Variants in SCAI observed in about 807,000 individuals in gnomAD.
The protein encoded by SCAI is protein SCAI.
Under a neutral mutation model 92.2 loss-of-function variants are expected in SCAI, and 24 were observed. The observed-to-expected ratio is 0.26, with a 90% CI of 0.19 to 0.37. The LOEUF (loss-of-function observed/expected upper bound fraction) is 0.37. SCAI is among the 10% of genes least tolerant of loss of function. The probability of loss-of-function intolerance (pLI) is 1.00; values close to 1 mark genes in which losing one functional copy is unlikely to be tolerated. For missense variants in SCAI, 450 were observed against 736.2 expected, an observed-to-expected ratio of 0.61 and a Z score of 4.50; for synonymous variants, 261 against 258.6, an observed-to-expected ratio of 1.01 and a Z score of -0.09.
intron 13 of SCAI, among the ~76,000 whole-genome samples, chr9:124,998,668 C>T (rs191356057): frequency 6.6e-6 from 1 of 152,242 alleles, no homozygotes; most frequent in Non-Finnish European, 1.5e-5. Context: ...CTTGCTCTAT[C>T]ACCCAGACTG....
At chr9:125,130,936 C>CCTTTTT (rs1554718667) in intron 2 of SCAI, among the ~76,000 whole-genome samples, 1 of 77,274 alleles carries the variant, frequency 1.3e-5, no homozygotes, top group Non-Finnish European at 2.6e-5. Flanking sequence ...GTTTGAACCG[C>CCTTTTT]TTTTTTTTTT....
chr9:125,091,628 T>A lies in SCAI; in HGVS notation c.99-35621A>T, dbSNP rs1434464707. On this transcript the variant is annotated intron_variant, in intron 2 of 17. Transcript: ENST00000336505. The surrounding 1 kb of genome is among the most constrained non-coding windows in gnomAD (Gnocchi z 4.3). ...CTAAATAGGGCTGAAGAAATACACA[T>A]AATCATGCTGACTGATCTCACTTTC... is the stretch of plus-strand genomic sequence containing the variant. Among the ~76,000 whole-genome samples, 1 of 152,156 alleles carries A rather than the reference T, an allele frequency of 6.6e-6. No individual in the cohort carries two copies. Among genetic ancestry groups the A allele is most frequent in the Non-Finnish European group, 1.5e-5 (1 of 68,026 alleles).
At chr9:124,963,754 T>C (rs1327997832) in intron 17 of SCAI, among the ~76,000 whole-genome samples, 2 of 61,490 alleles carry the variant, frequency 3.3e-5, no homozygotes, top group East Asian at 7.3e-4. Flanking sequence ...TGAGAATCTG[T>C]CTCAAAAAAA....
At chr9:125,043,321 A>T (rs1007678658) in intron 3 of SCAI, among the ~76,000 whole-genome samples, 1 of 152,198 alleles carries the variant, frequency 6.6e-6, no homozygotes, top group African/African-American at 2.4e-5. Flanking sequence ...TATTACTGGG[A>T]CATCTTTGTT....
chr9:125,029,876 G>A (rs535798869), intron 3 of SCAI, 137 bp from the exon 4 acceptor site: 261 of 495,682 alleles, frequency 5.3e-4, no homozygotes, highest in Non-Finnish European at 8.1e-4. Context: ...ACACTTTTTG[G>A]AGCAGAAATA....
At chr9:125,053,265 C>T (rs548416468) in intron 3 of SCAI, among the ~76,000 whole-genome samples, 3 of 152,136 alleles carry the variant, frequency 2.0e-5, no homozygotes, top group South Asian at 4.1e-4. Context: ...ACCCAGGAGG[C>T]GGAGGTTGCA....
chr9:125,108,956 T>G (rs1834875823), intron 2 of SCAI, among the ~76,000 whole-genome samples: 1 of 152,240 alleles, frequency 6.6e-6, no homozygotes, highest in African/African-American at 2.4e-5. Flanking sequence ...AATCAGGTTG[T>G]TGCTGTGTCT....
chr9:124,944,067 T>C lies in SCAI; in HGVS notation c.*8740A>G, dbSNP rs570950475. ...GTTTCTACCTCAACTGGAAGAATCA[T>C]CCAAAATCTAAAGGTTTCTCTGATT... On this transcript the variant is annotated 3_prime_UTR_variant, in exon 18 of 18. Transcript: ENST00000336505. 1 of 152,302 alleles carries C rather than the reference T, an allele frequency of 6.6e-6. No homozygotes were observed. Among genetic ancestry groups the C allele is most frequent in the East Asian group, 1.9e-4 (1 of 5,192 alleles). 9.4% of individuals were successfully genotyped at this position (152,302 alleles called of 1,614,324 possible).
chr9:125,055,029 T>G (rs1833635094), intron 3 of SCAI, among the ~76,000 whole-genome samples: 1 of 152,164 alleles, frequency 6.6e-6, no homozygotes, highest in Non-Finnish European at 1.5e-5. Context: ...AAAATTCACA[T>G]AATTTTTTTA....
chr9:125,121,049 A>C (rs957078074), intron 2 of SCAI, among the ~76,000 whole-genome samples: 4 of 152,092 alleles, frequency 2.6e-5, no homozygotes, highest in African/African-American at 9.7e-5. Context: ...CAACTACTAA[A>C]AAACTGAAAT....
rs527903168 is a variant in SCAI at position 125,088,041 on chromosome 9, AT to A, written c.99-32035del. ...CTATTTAATTTTCTGTAAATTTAAA[AT>A]GTTTCATTTAAAAAGTTTTTGTTGA... is the stretch of plus-strand genomic sequence containing the variant. On this transcript the variant is annotated intron_variant, in intron 2 of 17. Coordinates refer to ENST00000336505, the MANE Select transcript of SCAI (RefSeq NM_001144877.3). 2.7e-3 allele frequency among the ~76,000 whole-genome samples: 418 copies of A among 152,292 alleles called. 1 individual carries two copies. The highest frequency in any genetic ancestry group is 5.1e-3 in the Non-Finnish European group (344 of 68,010).
chr9:124,963,632 C>T (rs1377189164), intron 17 of SCAI, among the ~76,000 whole-genome samples: 1 of 151,392 alleles, frequency 6.6e-6, no homozygotes, highest in Non-Finnish European at 1.5e-5. Context: ...TGCCTGTAAT[C>T]CCAGCTACTC....
intron 2 of SCAI, among the ~76,000 whole-genome samples, chr9:125,113,662 GA>G (rs1394836948): frequency 1.3e-4 from 17 of 126,800 alleles, no homozygotes; most frequent in South Asian, 2.6e-4. Context: ...AAAGTATAAA[GA>G]TTTTTTTTTT....
intron 17 of SCAI, among the ~76,000 whole-genome samples, chr9:124,967,734 C>T (rs1259032084): frequency 2.0e-5 from 3 of 152,184 alleles, no homozygotes; most frequent in Non-Finnish European, 4.4e-5. Context: ...CAGTGCAGGC[C>T]ACACCCTGGC....
At chr9:124,980,286 C>T (rs1216179311) in intron 14 of SCAI, among the ~76,000 whole-genome samples, 1 of 150,930 alleles carries the variant, frequency 6.6e-6, no homozygotes, top group Non-Finnish European at 1.5e-5. Flanking sequence ...CTTTGCACTC[C>T]TTGCTAACGA....
intron 9 of SCAI, among the ~76,000 whole-genome samples, chr9:125,014,503 T>C (rs554230445): frequency 1.3e-5 from 2 of 152,062 alleles, no homozygotes; most frequent in Non-Finnish European, 2.9e-5. Context: ...CAAGGAGAAC[T>C]ACAAACCACT....
At chr9:125,118,135 TG>T (rs941529473) in intron 2 of SCAI, among the ~76,000 whole-genome samples, 1 of 150,948 alleles carries the variant, frequency 6.6e-6, no homozygotes, top group Non-Finnish European at 1.5e-5. Context: ...AAACACATAG[TG>T]AACTAAACAC....
chr9:125,119,731 A>G (rs1835119887), intron 2 of SCAI, among the ~76,000 whole-genome samples: 1 of 152,210 alleles, frequency 6.6e-6, no homozygotes, highest in Non-Finnish European at 1.5e-5. Flanking sequence ...GGAACAACTC[A>G]TCTCTGCTCT....
intron 17 of SCAI, among the ~76,000 whole-genome samples, chr9:124,953,350 C>T (rs945629820): frequency 3.9e-5 from 6 of 152,002 alleles, no homozygotes; most frequent in African/African-American, 7.2e-5. Context: ...CTGGGGCAGC[C>T]GGGCACCATG....
Sources: gnomAD v4.1 joint callset for allele counts (sites outside exome capture counted in the v4.1 genomes callset) on GRCh38, gnomAD v4.1.1 for gene constraint, Gnocchi (gnomAD v3.1) non-coding constraint, MANE v1.5 for transcripts, NCBI Gene and HGNC (gene_info 2026-07-23, HGNC 2026-07-21) for gene names.